Variants in MAST4 observed in about 807,000 individuals in gnomAD.
The protein encoded by MAST4 is microtubule-associated serine/threonine-protein kinase 4.
Under a neutral mutation model 162.7 loss-of-function variants are expected in MAST4, and 89 were observed. That is an observed-to-expected ratio of 0.55 (90% CI 0.46 to 0.65). The LOEUF (loss-of-function observed/expected upper bound fraction) is 0.65. MAST4 is among the 30% of genes least tolerant of loss of function. The pLI is 0.00. For synonymous variants in MAST4, 1,479 were observed against 1,361.1 expected, an observed-to-expected ratio of 1.09 and a Z score of -1.91; for missense variants, 3,153 against 3,374.0, an observed-to-expected ratio of 0.93 and a Z score of 1.62.
chr5:66,718,176 TTTTTTTTTC>T (rs1370185863), intron 1 of MAST4, among the ~76,000 whole-genome samples: 2 of 148,506 alleles, frequency 1.3e-5, no homozygotes, highest in African/African-American at 5.0e-5. Context: ...TTTTTTTTCT[TTTTTTTTTC>T]TTTTTTTTTT....
chr5:67,034,309 C>T (rs1755742558), intron 4 of MAST4, among the ~76,000 whole-genome samples: 1 of 152,114 alleles, frequency 6.6e-6, no homozygotes, highest in African/African-American at 2.4e-5. Flanking sequence ...TTTTCTGCAA[C>T]CTATATGGAA....
At chr5:66,861,968 G>T (rs1473453137) in intron 3 of MAST4, among the ~76,000 whole-genome samples, 1 of 152,152 alleles carries the variant, frequency 6.6e-6, no homozygotes, top group East Asian at 1.9e-4. Context: ...GTAAGAAACT[G>T]CCAGATGAGA....
intron 5 of MAST4, among the ~76,000 whole-genome samples, chr5:67,068,182 A>T (rs1375733687): frequency 6.6e-6 from 1 of 152,164 alleles, no homozygotes; most frequent in Non-Finnish European, 1.5e-5. Flanking sequence ...TCCTGAACAC[A>T]GTGTTTAGAT....
At chr5:66,834,268 C>T (rs1358312993) in intron 3 of MAST4, among the ~76,000 whole-genome samples, 2 of 152,154 alleles carry the variant, frequency 1.3e-5, no homozygotes, top group Admixed American at 6.6e-5. Flanking sequence ...CCATTACCAC[C>T]TCTAGGCCTA....
intron 3 of MAST4, among the ~76,000 whole-genome samples, chr5:66,807,999 C>T (rs2149708923): frequency 6.6e-6 from 1 of 152,360 alleles, no homozygotes; most frequent in East Asian, 1.9e-4. Context: ...CCACCCTGGT[C>T]TTCACTGCAC....
intron 4 of MAST4, among the ~76,000 whole-genome samples, chr5:66,923,309 A>G (rs1764666441): frequency 6.6e-6 from 1 of 152,208 alleles, no homozygotes; most frequent in South Asian, 2.1e-4. Context: ...TCCATACCCA[A>G]TGTGAGTCTG....
intron 3 of MAST4, among the ~76,000 whole-genome samples, chr5:66,835,127 A>G (rs1757874368): frequency 6.6e-6 from 1 of 152,202 alleles, no homozygotes; most frequent in South Asian, 2.1e-4. Context: ...GAGTGTTGCT[A>G]AAAGGAATGA....
intron 4 of MAST4, among the ~76,000 whole-genome samples, chr5:66,924,462 C>T (rs1480736714): frequency 4.0e-5 from 6 of 150,716 alleles, no homozygotes; most frequent in African/African-American, 1.5e-4. Context: ...GGCGCGATCT[C>T]GGCTCGCTGC....
At chr5:67,058,103 C>G (rs1014488208) in intron 5 of MAST4, among the ~76,000 whole-genome samples, 1 of 151,968 alleles carries the variant, frequency 6.6e-6, no homozygotes, top group Admixed American at 6.6e-5. Context: ...GGCATGGTGG[C>G]ACATGCCTGT....
At chr5:66,958,604 G>A (rs766376960) in intron 4 of MAST4, among the ~76,000 whole-genome samples, 17 of 152,148 alleles carry the variant, frequency 1.1e-4, no homozygotes, top group Admixed American at 5.2e-4. Flanking sequence ...GCGGCACAAC[G>A]GAGTCTGACT....
chr5:66,990,078 TATAAA>T (rs1045781980), intron 4 of MAST4, among the ~76,000 whole-genome samples: 11 of 152,206 alleles, frequency 7.2e-5, no homozygotes, highest in African/African-American at 2.7e-4. Flanking sequence ...AAGTTAATTT[TATAAA>T]ATAAAATTTA....
intron 5 of MAST4, among the ~76,000 whole-genome samples, chr5:67,065,352 C>A (rs1366253098): frequency 6.6e-6 from 1 of 152,162 alleles, no homozygotes; most frequent in Non-Finnish European, 1.5e-5. Flanking sequence ...CTAGCTCACT[C>A]GTCAGCAGTT....
intron 10 of MAST4, among the ~76,000 whole-genome samples, chr5:67,106,731 T>TC (rs1765640988): frequency 1.3e-5 from 2 of 152,160 alleles, no homozygotes; most frequent in African/African-American, 4.8e-5. Flanking sequence ...GCTGTGCCCT[T>TC]CCTCTCAATG....
intron 4 of MAST4, among the ~76,000 whole-genome samples, chr5:66,988,196 C>T (rs1017531704): frequency 1.3e-5 from 2 of 152,156 alleles, no homozygotes; most frequent in Non-Finnish European, 2.9e-5. Context: ...GGAAAGAAAA[C>T]GTGCTTCATC....
intron 3 of MAST4, chr5:66,828,889 G>A: frequency 6.3e-7 from 1 of 1,594,962 alleles, no homozygotes; most frequent in Non-Finnish European, 8.6e-7. Flanking sequence ...CCAGGTAGGA[G>A]ACTGCTCCAT....
intron 24 of MAST4, among the ~76,000 whole-genome samples, chr5:67,151,927 C>T (rs1771883220): frequency 6.6e-6 from 1 of 152,058 alleles, no homozygotes; most frequent in South Asian, 2.1e-4. Flanking sequence ...GCCACCTTTC[C>T]TGGCTAATTT....
chr5:66,975,270 A>T (rs1048309819), intron 4 of MAST4, among the ~76,000 whole-genome samples: 2 of 152,190 alleles, frequency 1.3e-5, no homozygotes, highest in African/African-American at 4.8e-5. Flanking sequence ...CTATTGTTTT[A>T]AGCCAACAAG....
chr5:66,744,326 CTT>C (rs1752632179), intron 1 of MAST4, among the ~76,000 whole-genome samples: 3 of 152,180 alleles, frequency 2.0e-5, no homozygotes, highest in South Asian at 4.1e-4. Context: ...TATTTTGCCT[CTT>C]GGGTCAGAGC....
intron 4 of MAST4, among the ~76,000 whole-genome samples, chr5:66,955,185 C>T (rs190104790): frequency 6.7e-6 from 1 of 149,170 alleles, no homozygotes; most frequent in Admixed American, 6.6e-5. Flanking sequence ...GGACTCCAGC[C>T]TGGGCGACAG....
Sources: gnomAD v4.1 joint callset for allele counts (sites outside exome capture counted in the v4.1 genomes callset) on GRCh38, gnomAD v4.1.1 for gene constraint, MANE v1.5 for transcripts, NCBI Gene and HGNC (gene_info 2026-07-23, HGNC 2026-07-21) for gene names.